KLHL2: variants seen among roughly 807,000 people sequenced by gnomAD.
KLHL2 encodes the protein kelch like family member 2, also known as kelch-like protein 2.
KLHL2 carries 15 observed loss-of-function variants against 75.8 expected under a neutral mutation model. The ratio of observed to expected loss-of-function variants is 0.20; its 90% CI spans 0.13 to 0.30. KLHL2 has a LOEUF of 0.30. Ranked by LOEUF, KLHL2 falls within the 10% of genes least tolerant of loss-of-function variation. The pLI, the probability that KLHL2 is intolerant of heterozygous loss-of-function variation, is 1.00. For missense variants in KLHL2, 381 were observed against 741.0 expected (o/e 0.51, Z 5.64); for synonymous variants, 214 against 251.9 (o/e 0.85, Z 1.42).
chr4:165,209,982 C>G (rs2110929446), intron 1 of KLHL2: 6 of 1,470,006 alleles, frequency 4.1e-6, no homozygotes, highest in Non-Finnish European at 5.4e-6. Flanking sequence ...TTGAGACTTG[C>G]AGGCAGTGTC....
chr4:165,254,588 T>C (rs1367269221), intron 4 of KLHL2, among the ~76,000 whole-genome samples: 3 of 152,220 alleles, frequency 2.0e-5, no homozygotes, highest in African/African-American at 4.8e-5. Context: ...AAAGATATGC[T>C]AAGGGCCAAG....
At chr4:165,248,048 G>A (rs1387409517) in intron 4 of KLHL2, among the ~76,000 whole-genome samples, 4 of 152,124 alleles carry the variant, frequency 2.6e-5, no homozygotes, top group African/African-American at 7.2e-5. Flanking sequence ...TTATTCTTAC[G>A]GATTTGCAGA....
At chr4:165,235,771 C>A (rs566463232) in intron 3 of KLHL2, among the ~76,000 whole-genome samples, 95 of 152,166 alleles carry the variant, frequency 6.2e-4, no homozygotes, top group African/African-American at 2.3e-3. Context: ...AGAGAGGTTC[C>A]AGTGGAGATT....
intron 4 of KLHL2, among the ~76,000 whole-genome samples, chr4:165,251,700 C>T (rs1459409325): frequency 6.7e-6 from 1 of 149,526 alleles, no homozygotes; most frequent in African/African-American, 2.5e-5. Context: ...AGCTCCGCCT[C>T]CCGGGTTCAC....
At chr4:165,298,240 C>A (rs758310700) in intron 7 of KLHL2, among the ~76,000 whole-genome samples, 6 of 151,948 alleles carry the variant, frequency 3.9e-5, no homozygotes, top group Non-Finnish European at 8.8e-5. Flanking sequence ...AAATAAATGT[C>A]CCTGTGGCAG....
intron 5 of KLHL2, among the ~76,000 whole-genome samples, chr4:165,263,886 A>T (rs1425469067): frequency 7.0e-6 from 1 of 142,268 alleles, no homozygotes; most frequent in African/African-American, 2.6e-5. Flanking sequence ...TGAAATATAG[A>T]TACATTTGGT....
At chr4:165,303,903 TCTCA>T (rs1745538762) in intron 8 of KLHL2, among the ~76,000 whole-genome samples, 1 of 150,360 alleles carries the variant, frequency 6.7e-6, no homozygotes, top group Non-Finnish European at 1.5e-5. Flanking sequence ...TGAGACAGAG[TCTCA>T]CTCTGTTGCC....
At chr4:165,320,588 A>T (rs573294728) in intron 14 of KLHL2, among the ~76,000 whole-genome samples, 1 of 152,298 alleles carries the variant, frequency 6.6e-6, no homozygotes, top group South Asian at 2.1e-4. Context: ...TATACATGGC[A>T]CTCTATGGAA....
intron 2 of KLHL2, among the ~76,000 whole-genome samples, chr4:165,226,065 T>C (rs1410559762): frequency 2.0e-5 from 3 of 152,206 alleles, no homozygotes; most frequent in Non-Finnish European, 4.4e-5. Context: ...TCAGGTGTAA[T>C]TCCACTTGTG....
At chr4:165,304,907 G>A (rs1745609908) in intron 8 of KLHL2, among the ~76,000 whole-genome samples, 1 of 152,134 alleles carries the variant, frequency 6.6e-6, no homozygotes, top group Non-Finnish European at 1.5e-5. Flanking sequence ...CATATAGACC[G>A]TAGGCATTTA....
intron 8 of KLHL2, among the ~76,000 whole-genome samples, chr4:165,303,367 T>A (rs1745475904): frequency 6.6e-6 from 1 of 152,136 alleles, no homozygotes; most frequent in Non-Finnish European, 1.5e-5. Context: ...AAAATTGGTC[T>A]TCATCAGATA....
intron 5 of KLHL2, among the ~76,000 whole-genome samples, chr4:165,274,953 C>T (rs1156905642): frequency 6.6e-6 from 1 of 152,182 alleles, no homozygotes; most frequent in African/African-American, 2.4e-5. Context: ...GTGGCACTGG[C>T]AGTGACAGCC....
At chr4:165,288,305 C>T (rs1384453993) in intron 5 of KLHL2, among the ~76,000 whole-genome samples, 1 of 152,050 alleles carries the variant, frequency 6.6e-6, no homozygotes, top group South Asian at 2.1e-4. Flanking sequence ...ATCATTTTAC[C>T]ATATACATGA....
chr4:165,277,842 C>G, intron 5 of KLHL2: 1 of 749,486 alleles, frequency 1.3e-6, no homozygotes, highest in Non-Finnish European at 2.4e-6. Flanking sequence ...AGCCACAGGT[C>G]TACTTGGAGG....
At chr4:165,313,984 T>G in intron 12 of KLHL2, 42 bp from the exon 13 acceptor site, 4 of 1,585,690 alleles carry the variant, frequency 2.5e-6, no homozygotes, top group Non-Finnish European at 3.4e-6. Flanking sequence ...TATAAATCTC[T>G]TGTTCTTTTT....
intron 5 of KLHL2, among the ~76,000 whole-genome samples, chr4:165,286,595 A>G (rs1474484428): frequency 6.6e-6 from 1 of 152,146 alleles, no homozygotes; most frequent in Non-Finnish European, 1.5e-5. Flanking sequence ...AAATCAGCAG[A>G]GAGGTTGAGA....
chr4:165,253,498 C>T (rs1454947789), intron 4 of KLHL2, among the ~76,000 whole-genome samples: 2 of 152,202 alleles, frequency 1.3e-5, no homozygotes, highest in Non-Finnish European at 2.9e-5. Flanking sequence ...TATTTTTGAT[C>T]TGAGGTTGGT....
intron 3 of KLHL2, among the ~76,000 whole-genome samples, chr4:165,237,721 G>T (rs3864146): frequency 6.6e-6 from 1 of 152,344 alleles, no homozygotes; most frequent in East Asian, 1.9e-4. Context: ...TAAAGTGAAG[G>T]TGATGAATAG....
At chr4:165,266,867 G>A (rs990705734) in intron 5 of KLHL2, among the ~76,000 whole-genome samples, 1 of 152,076 alleles carries the variant, frequency 6.6e-6, no homozygotes, top group Admixed American at 6.5e-5. Flanking sequence ...AAAGTCAGTG[G>A]TAGCCTGATG....
Sources: allele counts gnomAD v4.1 joint callset (sites outside exome capture counted in the v4.1 genomes callset), GRCh38; gene constraint gnomAD v4.1.1; transcripts MANE v1.5; gene names NCBI Gene and HGNC (gene_info 2026-07-23, HGNC 2026-07-21).